Variants in AMBRA1 observed in about 807,000 individuals in gnomAD.
The protein encoded by AMBRA1 is activating molecule in BECN1-regulated autophagy protein 1.
A neutral mutation model predicts 125.4 loss-of-function variants in AMBRA1; 47 were observed. The ratio of observed to expected loss-of-function variants is 0.37; its 90% CI spans 0.30 to 0.48. The LOEUF is 0.48. AMBRA1 is among the 20% of genes least tolerant of loss of function. AMBRA1 has a pLI of 0.99. For missense variants in AMBRA1, 1,331 were observed against 1,693.4 expected (o/e 0.79, Z 3.76); for synonymous variants, 626 against 655.5 (o/e 0.95, Z 0.69).
rs1375725400 is a variant in AMBRA1, at chr11:46,433,462, A to T, written c.2976+12T>A. ...GCTGCCATACAGTGAAGGCACAAGCAATGGCACTCACCCTCATGGAGGTCT... is the reference window on the plus strand; with the variant it reads ...GCTGCCATACAGTGAAGGCACAAGCTATGGCACTCACCCTCATGGAGGTCT... On this transcript the variant is annotated intron_variant, in intron 14 of 17. Transcript: ENST00000683756. The T allele has an allele frequency of 6.2e-7, 1 of 1,613,118 alleles. No homozygotes were observed. Among genetic ancestry groups the T allele is most frequent in the Non-Finnish European group, 8.5e-7 (1 of 1,179,476 alleles).
chr11:46,574,145 T>C (rs1206345537), intron 1 of AMBRA1, among the ~76,000 whole-genome samples: 45 of 144,424 alleles, frequency 3.1e-4, no homozygotes, highest in African/African-American at 1.2e-3. Flanking sequence ...TGTGTCTTTA[T>C]AGCAGCATGA....
At position 46,494,126 on chromosome 11, in the gene AMBRA1, T is replaced by C. The variant is rs776891245; in HGVS notation, c.2418A>G (p.Pro806=). ...GTTGCTAGCAACTCGGTTCTTACCTTGGGACAAAGCGTCCAAGCGAAGGTG... is the reference window on the plus strand; with the variant it reads ...GTTGCTAGCAACTCGGTTCTTACCTCGGGACAAAGCGTCCAAGCGAAGGTG... ...MSAPSLGRFV[P]RRFLLPEYLP... is the part of the protein sequence containing the mutation. Residue 806 remains proline, a splice_region_variant and synonymous_variant, in exon 10 of 18, where the codon CCA becomes CCG. Coordinates refer to ENST00000683756, the MANE Select transcript of AMBRA1 (RefSeq NM_001387011.1). 8 of 1,605,136 alleles carry C rather than the reference T, an allele frequency of 5.0e-6. No individual in the cohort carries two copies. In the East Asian group the frequency reaches 1.6e-4, roughly 31 times the overall value.
intron 14 of AMBRA1, among the ~76,000 whole-genome samples, chr11:46,418,487 G>A (rs1046774305): frequency 6.6e-6 from 1 of 151,144 alleles, no homozygotes; most frequent in Non-Finnish European, 1.5e-5. Context: ...TGCCACGTTG[G>A]TGTGCTGCAC....
chr11:46,497,889 G>A (rs1950694654), intron 9 of AMBRA1, among the ~76,000 whole-genome samples: 2 of 152,188 alleles, frequency 1.3e-5, no homozygotes, highest in African/African-American at 4.8e-5. Flanking sequence ...ATGGGTTGGG[G>A]TGGGAAAAGA....
chr11:46,573,514 C>CT (rs1224890959), intron 1 of AMBRA1, among the ~76,000 whole-genome samples: 1 of 152,062 alleles, frequency 6.6e-6, no homozygotes, highest in Admixed American at 6.6e-5. Flanking sequence ...TATCAAGTCA[C>CT]TTCAAACTTT....
At chr11:46,576,079 T>C (rs2043951960) in intron 1 of AMBRA1, among the ~76,000 whole-genome samples, 1 of 152,180 alleles carries the variant, frequency 6.6e-6, no homozygotes, top group African/African-American at 2.4e-5. Context: ...CTTTGATCAC[T>C]ATGATTCAGG....
intron 11 of AMBRA1, among the ~76,000 whole-genome samples, chr11:46,485,282 G>C (rs558180334): frequency 1.1e-4 from 17 of 152,330 alleles, no homozygotes; most frequent in African/African-American, 3.6e-4. Context: ...CTGTCTCTCA[G>C]ACAGAGTATA....
intron 1 of AMBRA1, among the ~76,000 whole-genome samples, chr11:46,573,282 G>A (rs1373308693): frequency 1.3e-5 from 2 of 151,862 alleles, no homozygotes; most frequent in African/African-American, 2.4e-5. Context: ...GCACGCACCT[G>A]TAATCCCAGC....
intron 13 of AMBRA1, 88 bp downstream of exon 13, chr11:46,434,761 C>T: frequency 2.2e-6 from 3 of 1,387,070 alleles, no homozygotes; most frequent in Non-Finnish European, 2.9e-6. Flanking sequence ...GTGACCATTA[C>T]TCCCACCCAA....
intron 14 of AMBRA1, chr11:46,428,890 T>C (rs879161781): frequency 1.2e-5 from 19 of 1,611,398 alleles, no homozygotes; most frequent in East Asian, 4.5e-5. Flanking sequence ...GCACAATCTC[T>C]GGGGGCAGAT....
At position 46,590,912 on chromosome 11, in the gene AMBRA1, CAAAAA is replaced by C. The variant is rs554383816; in HGVS notation, c.-121+2911_-121+2915del. ...TGGGCGGCAGAGTGAGACTCCATCT[CAAAAA>C]AAAAAAAAAAGAAAAACAAAAAGAA... On this transcript the variant is annotated intron_variant, in intron 1 of 17. Coordinates refer to ENST00000683756, the MANE Select transcript of AMBRA1 (RefSeq NM_001387011.1). 2.5e-4 allele frequency among the ~76,000 whole-genome samples: 19 copies of C among 76,736 alleles called. No homozygotes were observed. The Admixed American group carries it at 2.8e-3, about 11-fold the overall frequency. The allele number at this position is 76,736 out of a possible 152,430, so 50.3% of individuals were successfully genotyped here. A position where few individuals can be genotyped will look rare whatever the true frequency, so the allele number is the denominator to read the frequency against.
At chr11:46,477,211 T>C (rs1233077266) in intron 11 of AMBRA1, among the ~76,000 whole-genome samples, 2 of 151,738 alleles carry the variant, frequency 1.3e-5, no homozygotes, top group East Asian at 1.9e-4. Flanking sequence ...AAAGGCAGAA[T>C]AGAAGGACAC....
intron 11 of AMBRA1, among the ~76,000 whole-genome samples, chr11:46,454,139 C>T (rs1948739338): frequency 6.6e-6 from 1 of 152,084 alleles, no homozygotes; most frequent in Non-Finnish European, 1.5e-5. Context: ...AGAAAAGTAG[C>T]AAGGCCTGGA....
At chr11:46,556,621 GTTGA>G (rs1316038103) in intron 1 of AMBRA1, among the ~76,000 whole-genome samples, 2 of 152,138 alleles carry the variant, frequency 1.3e-5, no homozygotes, top group African/African-American at 4.8e-5. Flanking sequence ...AGTCAGAATG[GTTGA>G]TTGAATTCCA....
chr11:46,555,701 T>C (rs1443045237), intron 1 of AMBRA1, among the ~76,000 whole-genome samples: 2 of 152,222 alleles, frequency 1.3e-5, no homozygotes, highest in Admixed American at 1.3e-4. Flanking sequence ...AAATAATTCA[T>C]TGTGATTTGG....
chr11:46,547,366 C>T (rs954423310), intron 3 of AMBRA1, 70 bp from the exon 4 acceptor site: 17 of 1,403,468 alleles, frequency 1.2e-5, no homozygotes, highest in African/African-American at 4.3e-5. Context: ...CAACTTTGGA[C>T]GACATAGAAT....
intron 17 of AMBRA1, among the ~76,000 whole-genome samples, chr11:46,399,522 C>T (rs767052330): frequency 6.6e-5 from 10 of 152,026 alleles, no homozygotes. Context: ...TCCCACCACA[C>T]CTGGCTAATT....
At chr11:46,543,595 C>A (rs1223834917) in intron 6 of AMBRA1, among the ~76,000 whole-genome samples, 197 bp from the exon 7 acceptor site, 1 of 152,188 alleles carries the variant, frequency 6.6e-6, no homozygotes, top group African/African-American at 2.4e-5. Context: ...ATTTTCCACT[C>A]CCAATTAGCA....
At chr11:46,494,092 G>C (rs776422991) in intron 10 of AMBRA1, 32 bp downstream of exon 10, 6 of 1,572,716 alleles carry the variant, frequency 3.8e-6, no homozygotes, top group African/African-American at 1.3e-5. Flanking sequence ...TCTAACGAAG[G>C]CTCCCTCTGT....
Sources: gnomAD v4.1 joint callset for allele counts (sites outside exome capture counted in the v4.1 genomes callset) on GRCh38, gnomAD v4.1.1 for gene constraint, MANE v1.5 for transcripts, NCBI Gene and HGNC (gene_info 2026-07-23, HGNC 2026-07-21) for gene names.